Variants in FBXL13 observed in about 807,000 individuals in gnomAD.
FBXL13 encodes F-box and leucine-rich repeat protein 13.
Under a neutral mutation model 83.6 loss-of-function variants are expected in FBXL13, and 67 were observed. The ratio of observed to expected loss-of-function variants is 0.80; its 90% CI spans 0.66 to 0.98. FBXL13 has a LOEUF of 0.98. Among genes scored for constraint, FBXL13 ranks in the 50% least tolerant of loss-of-function variants. FBXL13 has a pLI of 0.00. For synonymous variants in FBXL13, 272 were observed against 299.5 expected (o/e 0.91, Z 0.95); for missense variants, 822 against 866.5 (o/e 0.95, Z 0.64).
intron 6 of FBXL13, among the ~76,000 whole-genome samples, chr7:102,998,149 T>C (rs11983809): frequency 7.9e-5 from 12 of 152,256 alleles, no homozygotes; most frequent in African/African-American, 1.4e-4. Context: ...ATTCGTGATG[T>C]TGAACATGTT....
intron 11 of FBXL13, among the ~76,000 whole-genome samples, chr7:102,910,513 C>T (rs1440103904): frequency 1.3e-5 from 2 of 151,626 alleles, no homozygotes; most frequent in Non-Finnish European, 2.9e-5. Flanking sequence ...TCTCTGTTTT[C>T]CAGTTTGTCA....
chr7:102,968,657 T>C (rs1168337133), intron 6 of FBXL13, among the ~76,000 whole-genome samples: 1 of 152,210 alleles, frequency 6.6e-6, no homozygotes, highest in African/African-American at 2.4e-5. Context: ...CAGTAAATGC[T>C]AAAAGAAACA....
chr7:102,963,188 G>T (rs1354990116), intron 8 of FBXL13, among the ~76,000 whole-genome samples: 1 of 151,326 alleles, frequency 6.6e-6, no homozygotes, highest in East Asian at 1.9e-4. Context: ...AGGCATGGTG[G>T]CGCATGCCTG....
chr7:102,919,177 C>A (rs1423336299), intron 10 of FBXL13, among the ~76,000 whole-genome samples: 2 of 152,208 alleles, frequency 1.3e-5, no homozygotes, highest in Admixed American at 1.3e-4. Flanking sequence ...CCACAGAAAT[C>A]AGTAAACACT....
At chr7:102,914,794 C>T (rs928822113) in intron 10 of FBXL13, among the ~76,000 whole-genome samples, 3 of 152,186 alleles carry the variant, frequency 2.0e-5, no homozygotes, top group Non-Finnish European at 2.9e-5. Flanking sequence ...CCCAAAGACA[C>T]GCCCCCTCTC....
At chr7:102,863,703 A>G (rs1807210619) in intron 16 of FBXL13, among the ~76,000 whole-genome samples, 1 of 152,208 alleles carries the variant, frequency 6.6e-6, no homozygotes, top group African/African-American at 2.4e-5. Flanking sequence ...AAAGGGGCCC[A>G]TAGTTTAGAG....
At chr7:102,931,262 T>A (rs1406162417) in intron 9 of FBXL13, among the ~76,000 whole-genome samples, 1 of 152,136 alleles carries the variant, frequency 6.6e-6, no homozygotes, top group African/African-American at 2.4e-5. Flanking sequence ...ACACAGAAAC[T>A]GAAACAAGTG....
intron 18 of FBXL13, 62 bp downstream of exon 19, chr7:102,832,778 C>G: frequency 6.3e-7 from 1 of 1,597,556 alleles, no homozygotes; most frequent in Non-Finnish European, 8.5e-7. Context: ...TGATCGCTGT[C>G]CTGCCTTGTC....
At chr7:103,052,112 T>C (rs1585567404) in intron 2 of FBXL13, among the ~76,000 whole-genome samples, 1 of 152,354 alleles carries the variant, frequency 6.6e-6, no homozygotes, top group East Asian at 1.9e-4. Context: ...AATCCACAAT[T>C]AATGGGAAAA....
At chr7:102,857,060 G>A (rs1432826541) in intron 16 of FBXL13, among the ~76,000 whole-genome samples, 2 of 151,756 alleles carry the variant, frequency 1.3e-5, no homozygotes, top group Non-Finnish European at 2.9e-5. Context: ...CTAGACTCCT[G>A]TATCTCCATA....
chr7:103,054,095 T>G (rs573332190), intron 2 of FBXL13, among the ~76,000 whole-genome samples: 1 of 152,120 alleles, frequency 6.6e-6, no homozygotes, highest in Non-Finnish European at 1.5e-5. Context: ...AGCCCTGTAA[T>G]CAAGAGATAT....
chr7:102,839,403 C>G (rs187440231), intron 17 of FBXL13, among the ~76,000 whole-genome samples: 46 of 152,306 alleles, frequency 3.0e-4, no homozygotes, highest in Middle Eastern at 6.8e-3. Context: ...CCTGGGCCCA[C>G]TGTTCTTTCT....
chr7:103,027,370 AC>A lies in FBXL13; in HGVS notation c.327+78del, dbSNP rs1794047178. The A allele has an allele frequency of 3.5e-6, 3 of 860,868 alleles. No homozygotes were observed. In the African/African-American group the frequency reaches 5.1e-5, roughly 15 times the overall value. The allele number at this position is 860,868 out of a possible 1,614,324, so 53.3% of individuals were successfully genotyped here. A position where few individuals can be genotyped will look rare whatever the true frequency, so the allele number is the denominator to read the frequency against. ...TATTCAGGATTTTAGTATTTTCCAC[AC>A]ACGGCATTACTATTTGAGGCAACAT... On this transcript the variant is annotated intron_variant, in intron 5 of 19. Coordinates refer to ENST00000313221, the Ensembl canonical transcript of FBXL13.
chr7:102,908,452 G>T (rs1814107548), intron 11 of FBXL13, among the ~76,000 whole-genome samples: 1 of 151,862 alleles, frequency 6.6e-6, no homozygotes, highest in Admixed American at 6.5e-5. Context: ...TGTTTTCCTG[G>T]ATGGTATTGA....
chr7:102,854,445 G>T (rs868735787), intron 17 of FBXL13, among the ~76,000 whole-genome samples: 1 of 152,028 alleles, frequency 6.6e-6, no homozygotes, highest in Non-Finnish European at 1.5e-5. Flanking sequence ...TGGGTGCAGC[G>T]CACCAGCATG....
At chr7:103,051,769 C>G (rs1796840772) in intron 2 of FBXL13, among the ~76,000 whole-genome samples, 1 of 152,160 alleles carries the variant, frequency 6.6e-6, no homozygotes, top group South Asian at 2.1e-4. Flanking sequence ...AAATGATGTA[C>G]AGAAATTGGA....
At chr7:102,886,671 T>C (rs867904687) in intron 11 of FBXL13, among the ~76,000 whole-genome samples, 7 of 152,166 alleles carry the variant, frequency 4.6e-5, no homozygotes, top group Admixed American at 3.3e-4. Context: ...GATGAGATAA[T>C]TGAGTAATAT....
At chr7:103,021,540 A>G (rs1477679939) in intron 6 of FBXL13, among the ~76,000 whole-genome samples, 1 of 152,256 alleles carries the variant, frequency 6.6e-6, no homozygotes, top group African/African-American at 2.4e-5. Context: ...ATCAGAGTGA[A>G]CAGGCAACCT....
At chr7:102,867,685 ATATATATATATTTTTTTT>A (rs1185263151) in intron 16 of FBXL13, among the ~76,000 whole-genome samples, 2 of 80,622 alleles carry the variant, frequency 2.5e-5, no homozygotes, top group African/African-American at 1.6e-4. Context: ...ATATATATAT[ATATATATATATTTTTTTT>A]TTTTTTTTTT....
Sources: allele counts gnomAD v4.1 joint callset (sites outside exome capture counted in the v4.1 genomes callset), GRCh38; gene constraint gnomAD v4.1.1; transcripts MANE v1.5; gene names NCBI Gene and HGNC (gene_info 2026-07-23, HGNC 2026-07-21).